MDGA2: variants seen among roughly 807,000 people sequenced by gnomAD.
The protein encoded by MDGA2 is MAM domain containing glycosylphosphatidylinositol anchor 2, also known as MAM domain-containing glycosylphosphatidylinositol anchor protein 2.
MDGA2 carries 40 observed loss-of-function variants against 117.8 expected under a neutral mutation model. That is an observed-to-expected ratio of 0.34 (90% CI 0.26 to 0.44). The LOEUF is 0.44. Ranked by LOEUF, MDGA2 falls within the 20% of genes least tolerant of loss-of-function variation. The pLI is 1.00. For synonymous variants in MDGA2, 452 were observed against 439.0 expected, an observed-to-expected ratio of 1.03 and a Z score of -0.37; for missense variants, 1,123 against 1,250.6, an observed-to-expected ratio of 0.90 and a Z score of 1.54.
chr14:47,300,230 T>C (rs990334943), intron 2 of MDGA2, among the ~76,000 whole-genome samples: 1 of 152,200 alleles, frequency 6.6e-6, no homozygotes, highest in South Asian at 2.1e-4. Context: ...GATTTCTTTT[T>C]TCCTGTAACA....
intron 1 of MDGA2, among the ~76,000 whole-genome samples, chr14:47,502,007 G>T (rs967135294): frequency 1.3e-5 from 2 of 152,062 alleles, no homozygotes; most frequent in African/African-American, 4.8e-5. Flanking sequence ...TAGCAAAAAA[G>T]TGAAAGAGAA....
At chr14:47,405,145 A>G (rs1892234799) in intron 1 of MDGA2, among the ~76,000 whole-genome samples, 1 of 152,204 alleles carries the variant, frequency 6.6e-6, no homozygotes. Context: ...AAAATGATTA[A>G]TAACAAGAAT....
intron 1 of MDGA2, among the ~76,000 whole-genome samples, chr14:47,355,149 C>A (rs1042913897): frequency 6.6e-6 from 1 of 152,146 alleles, no homozygotes; most frequent in Non-Finnish European, 1.5e-5. Flanking sequence ...CTTACCCTCG[C>A]ACATCTGCTT....
intron 1 of MDGA2, among the ~76,000 whole-genome samples, chr14:47,536,796 C>G (rs1005119190): frequency 6.6e-6 from 1 of 152,160 alleles, no homozygotes. Context: ...GTACTGGCAG[C>G]AGGCTGCACT....
chr14:47,002,834 T>C (rs1482789761), intron 8 of MDGA2, among the ~76,000 whole-genome samples: 1 of 152,194 alleles, frequency 6.6e-6, no homozygotes, highest in Non-Finnish European at 1.5e-5. Context: ...TTAGCTTTGT[T>C]GAGGTATAAT....
chr14:47,450,064 T>A (rs1955790), intron 1 of MDGA2, among the ~76,000 whole-genome samples: 4 of 151,830 alleles, frequency 2.6e-5, no homozygotes, highest in African/African-American at 9.7e-5. Flanking sequence ...TATAGTGCAA[T>A]GTTTCATTAT....
intron 3 of MDGA2, among the ~76,000 whole-genome samples, chr14:47,176,951 A>C (rs1470795225): frequency 6.6e-6 from 1 of 152,206 alleles, no homozygotes; most frequent in Non-Finnish European, 1.5e-5. Flanking sequence ...AAACAAATTT[A>C]TAAGAAAAAA....
intron 1 of MDGA2, among the ~76,000 whole-genome samples, chr14:47,355,458 C>T (rs1390393327): frequency 6.6e-6 from 1 of 152,106 alleles, no homozygotes; most frequent in Non-Finnish European, 1.5e-5. Flanking sequence ...TATCATTCTA[C>T]AGCTAGATCT....
intron 3 of MDGA2, among the ~76,000 whole-genome samples, chr14:47,203,976 A>G (rs1168850868): frequency 6.6e-6 from 1 of 152,038 alleles, no homozygotes; most frequent in African/African-American, 2.4e-5. Flanking sequence ...ACAGGTGTCA[A>G]TAAGAAAAAT....
At chr14:47,427,027 T>C (rs1021645581) in intron 1 of MDGA2, among the ~76,000 whole-genome samples, 4 of 152,060 alleles carry the variant, frequency 2.6e-5, no homozygotes, top group Non-Finnish European at 5.9e-5. Flanking sequence ...TTTACAACTA[T>C]GTGATAACTT....
chr14:47,599,804 G>A (rs1457160220), intron 1 of MDGA2, among the ~76,000 whole-genome samples: 1 of 152,094 alleles, frequency 6.6e-6, no homozygotes, highest in Non-Finnish European at 1.5e-5. Context: ...CAAGTCTACT[G>A]ATGGATTATT....
intron 7 of MDGA2, among the ~76,000 whole-genome samples, chr14:47,055,002 C>CTTTTTTT (rs10640408): frequency 2.0e-4 from 25 of 125,656 alleles, no homozygotes; most frequent in East Asian, 4.6e-4. Flanking sequence ...TTTTTCTTTT[C>CTTTTTTT]TTTTTTTTTT....
chr14:46,945,446 A>G (rs532277529), intron 9 of MDGA2, among the ~76,000 whole-genome samples: 6 of 152,022 alleles, frequency 3.9e-5, no homozygotes, highest in Non-Finnish European at 7.4e-5. Flanking sequence ...CATTGCTAGA[A>G]CTCTATTATC....
At chr14:47,190,868 T>C (rs1195437043) in intron 3 of MDGA2, among the ~76,000 whole-genome samples, 1 of 152,106 alleles carries the variant, frequency 6.6e-6, no homozygotes, top group African/African-American at 2.4e-5. Flanking sequence ...TGGAGACTTG[T>C]ATGTGCACTG....
In MDGA2 at chr14:47,420,392, G is replaced by T. The variant is rs143086552; in HGVS notation, c.281-118842C>A. Among the ~76,000 whole-genome samples the T allele has an allele frequency of 3.1e-3, 474 of 152,200 alleles. 1 individual carries two copies. The highest frequency in any genetic ancestry group is 0.011 in the African/African-American group (450 of 41,552). Reference sequence around the variant, plus strand: ...TATTTTGGAAACAGCAGTATCTGTTGTAATTCCAATAAATTCTTTATTTGG... The same window carrying T: ...TATTTTGGAAACAGCAGTATCTGTTTTAATTCCAATAAATTCTTTATTTGG... On this transcript the variant is annotated intron_variant, in intron 1 of 16. Transcript: ENST00000399232.
chr14:47,234,011 G>A (rs138658516), intron 2 of MDGA2, among the ~76,000 whole-genome samples: 2,984 of 152,058 alleles, frequency 0.02, 46 homozygotes, highest in Non-Finnish European at 0.032. Flanking sequence ...AAATGTTTTC[G>A]TCTACCTGGC....
At chr14:46,977,021 T>C (rs1230509948) in intron 8 of MDGA2, among the ~76,000 whole-genome samples, 2 of 151,942 alleles carry the variant, frequency 1.3e-5, no homozygotes, top group African/African-American at 4.8e-5. Context: ...TTTATCCAAA[T>C]TATGTTACTA....
intron 5 of MDGA2, among the ~76,000 whole-genome samples, chr14:47,115,762 C>G (rs892380073): frequency 1.3e-5 from 2 of 151,866 alleles, no homozygotes; most frequent in Non-Finnish European, 2.9e-5. Context: ...TCTCAACAAA[C>G]TAGGAATGGT....
chr14:47,144,625 T>C (rs1166954072), intron 3 of MDGA2, among the ~76,000 whole-genome samples: 1 of 151,904 alleles, frequency 6.6e-6, no homozygotes, highest in African/African-American at 2.4e-5. Context: ...AAAAAATTAA[T>C]ATCAGGCTGC....
Sources: gnomAD v4.1 joint callset for allele counts (sites outside exome capture counted in the v4.1 genomes callset) on GRCh38, gnomAD v4.1.1 for gene constraint, MANE v1.5 for transcripts, NCBI Gene and HGNC (gene_info 2026-07-23, HGNC 2026-07-21) for gene names.